Variants in ERBB4 observed in about 807,000 individuals in gnomAD.
ERBB4 encodes the protein receptor tyrosine-protein kinase erbB-4.
Under a neutral mutation model 158.0 loss-of-function variants are expected in ERBB4, and 42 were observed. That is an observed-to-expected ratio of 0.27 (90% CI 0.21 to 0.34). The LOEUF is 0.34. ERBB4 is among the 10% of genes least tolerant of loss of function. The probability of loss-of-function intolerance (pLI) is 1.00; values close to 1 mark genes in which losing one functional copy is unlikely to be tolerated. For missense variants in ERBB4, 1,333 were observed against 1,624.1 expected, an observed-to-expected ratio of 0.82 and a Z score of 3.08; for synonymous variants, 583 against 558.7, an observed-to-expected ratio of 1.04 and a Z score of -0.61.
chr2:212,150,727 T>C (rs1575708647), intron 1 of ERBB4, among the ~76,000 whole-genome samples: 1 of 152,200 alleles, frequency 6.6e-6, no homozygotes, highest in East Asian at 1.9e-4. Context: ...CTGTGCAAAA[T>C]TCCTACAAAT....
chr2:212,156,906 C>T (rs973148262), intron 1 of ERBB4, among the ~76,000 whole-genome samples: 1 of 152,076 alleles, frequency 6.6e-6, no homozygotes, highest in African/African-American at 2.4e-5. Context: ...TAGGTTAGTT[C>T]AGACCATCAT....
chr2:212,065,957 G>A (rs1469301094), intron 2 of ERBB4, among the ~76,000 whole-genome samples: 1 of 152,012 alleles, frequency 6.6e-6, no homozygotes, highest in Non-Finnish European at 1.5e-5. Context: ...GTTGAAAGCA[G>A]TTGGTCTCCC....
At position 211,673,170 on chromosome 2, in the gene ERBB4, A is replaced by G. The variant is rs765294260; in HGVS notation, c.1710T>C (p.His570=). Residue 570 remains histidine, a synonymous_variant, in exon 14 of 28, where the codon CAT becomes CAC. Transcript: ENST00000342788. ...CAGATGTCTTCAGGCTTACCGGTCC[A>G]TGGCATGTGAGGAGGCCATCTTCCA... ...EKMEDGLLTC[H]GPGPDNCTKC... The G allele has an allele frequency of 4.0e-5, 65 of 1,610,970 alleles. 1 individual carries two copies. The South Asian group carries it at 5.9e-4, about 15-fold the overall frequency.
At chr2:211,746,600 G>C (rs1378195027) in intron 5 of ERBB4, among the ~76,000 whole-genome samples, 1 of 151,980 alleles carries the variant, frequency 6.6e-6, no homozygotes, top group African/African-American at 2.4e-5. Context: ...AGGCCGAGGC[G>C]AGTGGATCAC....
intron 3 of ERBB4, among the ~76,000 whole-genome samples, chr2:211,794,587 T>A (rs183829883): frequency 6.6e-6 from 1 of 152,060 alleles, no homozygotes; most frequent in East Asian, 1.9e-4. Context: ...AGCATAATGT[T>A]AGTGATATGC....
chr2:212,051,074 T>C lies in ERBB4; in HGVS notation c.234+73678A>G, dbSNP rs576201299. Among the ~76,000 whole-genome samples, 6 of 152,308 alleles carry C rather than the reference T, an allele frequency of 3.9e-5. No individual in the cohort carries two copies. In the East Asian group the frequency reaches 1.2e-3, roughly 29 times the overall value. On this transcript the variant is annotated intron_variant, in intron 2 of 27. Transcript: ENST00000342788. ...CCATGAAAAGTCCAAGTATTTGCTC[T>C]TTGGCAACATTCCCCCAATTCTGCA...
At chr2:211,661,216 C>T (rs956474889) in intron 15 of ERBB4, among the ~76,000 whole-genome samples, 2 of 152,082 alleles carry the variant, frequency 1.3e-5, no homozygotes, top group African/African-American at 4.8e-5. Context: ...TTTCTAAATA[C>T]AAGCCGCTGA....
At chr2:212,267,980 T>A (rs1162638927) in intron 1 of ERBB4, among the ~76,000 whole-genome samples, 1 of 151,898 alleles carries the variant, frequency 6.6e-6, no homozygotes, top group Non-Finnish European at 1.5e-5. Flanking sequence ...TTACAATATC[T>A]ACATATCAAC....
chr2:212,401,756 G>A (rs116729925), intron 1 of ERBB4, among the ~76,000 whole-genome samples: 2,409 of 152,026 alleles, frequency 0.016, 26 homozygotes, highest in South Asian at 0.06. Context: ...ATCTATTACT[G>A]TGGTTTAGAG....
intron 5 of ERBB4, among the ~76,000 whole-genome samples, chr2:211,732,489 A>C (rs2074454169): frequency 6.6e-6 from 1 of 152,178 alleles, no homozygotes; most frequent in Admixed American, 6.5e-5. Context: ...CCTAATTCCT[A>C]ATTGGTTTGG....
intron 18 of ERBB4, 24 bp from the exon 19 acceptor site, chr2:211,619,299 A>G (rs775375664): frequency 7.8e-7 from 1 of 1,276,512 alleles, no homozygotes; most frequent in Non-Finnish European, 1.1e-6. Flanking sequence ...AATTTACATT[A>G]AATATGACAT....
At chr2:211,474,759 A>ACAGGT (rs1334184291) in intron 20 of ERBB4, among the ~76,000 whole-genome samples, 4 of 152,116 alleles carry the variant, frequency 2.6e-5, no homozygotes, top group Admixed American at 6.6e-5. Flanking sequence ...GTTATAGGTA[A>ACAGGT]AGCTTTGGTT....
At chr2:211,642,944 C>T (rs1461260733) in intron 16 of ERBB4, among the ~76,000 whole-genome samples, 2 of 152,060 alleles carry the variant, frequency 1.3e-5, no homozygotes, top group South Asian at 4.1e-4. Flanking sequence ...TTTGCTTATT[C>T]CAGCTTTCGT....
At chr2:211,476,234 A>G (rs889014563) in intron 20 of ERBB4, among the ~76,000 whole-genome samples, 5 of 152,094 alleles carry the variant, frequency 3.3e-5, no homozygotes, top group Non-Finnish European at 7.4e-5. Context: ...TTAGGAGAGC[A>G]GCATAGTTTG....
intron 2 of ERBB4, among the ~76,000 whole-genome samples, chr2:212,068,604 CAATT>C (rs2078011716): frequency 6.6e-6 from 1 of 152,020 alleles, no homozygotes; most frequent in African/African-American, 2.4e-5. Context: ...GTTAACCAAT[CAATT>C]ACTTTCCTAT....
intron 1 of ERBB4, among the ~76,000 whole-genome samples, chr2:212,365,580 A>C (rs2089858321): frequency 6.6e-6 from 1 of 151,894 alleles, no homozygotes; most frequent in Non-Finnish European, 1.5e-5. Flanking sequence ...AATTTTAATA[A>C]AAATATTTCC....
At chr2:211,706,337 C>A (rs895971531) in intron 9 of ERBB4, among the ~76,000 whole-genome samples, 4 of 152,060 alleles carry the variant, frequency 2.6e-5, no homozygotes, top group Non-Finnish European at 4.4e-5. Flanking sequence ...TGGCGAATAA[C>A]CATTAGTGAT....
chr2:211,968,369 A>G (rs2081359615), intron 2 of ERBB4, among the ~76,000 whole-genome samples: 1 of 152,022 alleles, frequency 6.6e-6, no homozygotes, highest in South Asian at 2.1e-4. Flanking sequence ...CCAGTTTCCA[A>G]ATATTCTACA....
At chr2:212,370,779 G>T (rs115914320) in intron 1 of ERBB4, among the ~76,000 whole-genome samples, 2 of 151,972 alleles carry the variant, frequency 1.3e-5, no homozygotes, top group Non-Finnish European at 2.9e-5. Flanking sequence ...AACAATGAAG[G>T]TATCCACATA....
Sources: allele counts gnomAD v4.1 joint callset (sites outside exome capture counted in the v4.1 genomes callset), GRCh38; gene constraint gnomAD v4.1.1; transcripts MANE v1.5; gene names NCBI Gene and HGNC (gene_info 2026-07-23, HGNC 2026-07-21).